Variants in CPNE4 observed in about 807,000 individuals in gnomAD.
CPNE4 encodes copine 4.
In CPNE4, 25 loss-of-function variants were observed where a neutral mutation model predicts 67.9. That is an observed-to-expected ratio of 0.37 (90% CI 0.27 to 0.51). The LOEUF is 0.51. CPNE4 is among the 20% of genes least tolerant of loss of function. The pLI, the probability that CPNE4 is intolerant of heterozygous loss-of-function variation, is 0.93. For missense variants in CPNE4, 464 were observed against 690.8 expected (o/e 0.67, Z 3.68); for synonymous variants, 242 against 244.9 (o/e 0.99, Z 0.11).
intron 14 of CPNE4, among the ~76,000 whole-genome samples, chr3:131,543,808 G>A (rs1313466431): frequency 6.6e-6 from 1 of 152,140 alleles, no homozygotes; most frequent in South Asian, 2.1e-4. Context: ...CCCTCTGAAG[G>A]CCATGTGCCA....
chr3:131,732,584 C>T (rs1216051643), intron 2 of CPNE4, among the ~76,000 whole-genome samples: 28 of 152,190 alleles, frequency 1.8e-4, no homozygotes, highest in Admixed American at 1.8e-3. Flanking sequence ...CCCTGGGTTC[C>T]AGTAACACTG....
intron 1 of CPNE4, among the ~76,000 whole-genome samples, chr3:131,952,471 TG>T (rs1166786933): frequency 1.3e-4 from 12 of 90,438 alleles, no homozygotes; most frequent in South Asian, 3.4e-4. Context: ...GGGAGGGAGG[TG>T]GGGGGGTCAG....
intron 1 of CPNE4, among the ~76,000 whole-genome samples, chr3:132,009,854 A>G (rs2073706447): frequency 6.6e-6 from 1 of 152,228 alleles, no homozygotes; most frequent in Non-Finnish European, 1.5e-5. Flanking sequence ...GGAAGCTGCT[A>G]TTAGGACCAA....
intron 1 of CPNE4, among the ~76,000 whole-genome samples, chr3:131,911,407 C>T (rs2088970072): frequency 6.6e-6 from 1 of 152,106 alleles, no homozygotes; most frequent in Non-Finnish European, 1.5e-5. Context: ...TTCCAAATAA[C>T]CTGCAACAGT....
chr3:132,002,355 C>A (rs2073477744), intron 1 of CPNE4, among the ~76,000 whole-genome samples: 1 of 152,100 alleles, frequency 6.6e-6, no homozygotes, highest in African/African-American at 2.4e-5. Flanking sequence ...GCTGACTTGT[C>A]ACTTTTATGA....
intron 1 of CPNE4, among the ~76,000 whole-genome samples, chr3:131,916,516 C>A (rs1346500814): frequency 6.6e-6 from 1 of 152,136 alleles, no homozygotes; most frequent in African/African-American, 2.4e-5. Flanking sequence ...GCTTCATGTA[C>A]TTTTTTAATT....
At position 131,537,232 on chromosome 3, in the gene CPNE4, T is replaced by G. The variant is rs146522140; in HGVS notation, c.1540-1903A>C. Among the ~76,000 whole-genome samples, 649 of 151,852 alleles carry G rather than the reference T, an allele frequency of 4.3e-3. 3 individuals carry two copies. Among genetic ancestry groups the G allele is most frequent in the African/African-American group, 0.014 (599 of 41,438 alleles). On this transcript the variant is annotated intron_variant, in intron 15 of 15. Transcript: ENST00000429747. ...TATTTCGGAACTCTGTAAAAGTGTG[T>G]GGAGGTCATGGTGCTAGTGTTCTGG...
At chr3:131,995,480 C>T (rs1000688024) in intron 1 of CPNE4, among the ~76,000 whole-genome samples, 1 of 152,068 alleles carries the variant, frequency 6.6e-6, no homozygotes, top group African/African-American at 2.4e-5. Flanking sequence ...ACATTGCATC[C>T]GACCATGAGA....
intron 2 of CPNE4, among the ~76,000 whole-genome samples, chr3:131,821,976 C>T (rs1275687301): frequency 2.6e-5 from 4 of 152,126 alleles, no homozygotes; most frequent in Admixed American, 6.5e-5. Flanking sequence ...ATGTTAAATA[C>T]CACTTCCAGG....
intron 3 of CPNE4, among the ~76,000 whole-genome samples, chr3:131,714,559 A>G (rs1329858073): frequency 6.6e-6 from 1 of 152,154 alleles, no homozygotes; most frequent in African/African-American, 2.4e-5. Flanking sequence ...TCCTTTCTTG[A>G]TTGAAACTAG....
At chr3:131,964,580 C>T (rs750978012) in intron 1 of CPNE4, among the ~76,000 whole-genome samples, 2 of 151,326 alleles carry the variant, frequency 1.3e-5, no homozygotes, top group Non-Finnish European at 2.9e-5. Flanking sequence ...GAAGCATACA[C>T]GAGCATCAAT....
chr3:131,716,778 A>G (rs1486358973), intron 3 of CPNE4, among the ~76,000 whole-genome samples: 1 of 152,098 alleles, frequency 6.6e-6, no homozygotes, highest in African/African-American at 2.4e-5. Context: ...TATTATTTCC[A>G]TTTTTCAAAT....
intron 2 of CPNE4, among the ~76,000 whole-genome samples, chr3:131,740,561 G>A (rs968597962): frequency 5.9e-5 from 9 of 152,158 alleles, no homozygotes; most frequent in African/African-American, 1.7e-4. Context: ...AATAGATACC[G>A]GATCTCACGG....
intron 2 of CPNE4, among the ~76,000 whole-genome samples, chr3:131,805,643 G>C (rs547108696): frequency 6.6e-6 from 1 of 152,280 alleles, no homozygotes; most frequent in Non-Finnish European, 1.5e-5. Flanking sequence ...CCGGCTGTCA[G>C]CCAGAACACC....
chr3:131,586,582 C>A (rs1186990206), intron 8 of CPNE4, among the ~76,000 whole-genome samples: 1 of 152,158 alleles, frequency 6.6e-6, no homozygotes, highest in African/African-American at 2.4e-5. Context: ...TTCTATCTTG[C>A]TTTTGGGCAT....
intron 7 of CPNE4, among the ~76,000 whole-genome samples, chr3:131,598,922 A>T (rs1469918316): frequency 6.6e-6 from 1 of 150,938 alleles, no homozygotes; most frequent in African/African-American, 2.4e-5. Flanking sequence ...TCACAAAATG[A>T]ATTTTAAATG....
chr3:131,817,450 G>A (rs1295886026), intron 2 of CPNE4, among the ~76,000 whole-genome samples: 1 of 152,144 alleles, frequency 6.6e-6, no homozygotes, highest in Non-Finnish European at 1.5e-5. Context: ...GTAAATGAGG[G>A]GTGAATAGTA....
intron 2 of CPNE4, among the ~76,000 whole-genome samples, chr3:131,838,713 C>T (rs1340902588): frequency 1.3e-5 from 2 of 151,424 alleles, no homozygotes; most frequent in African/African-American, 4.8e-5. Context: ...TATAAAAGTA[C>T]TTGTTTTTAT....
intron 1 of CPNE4, among the ~76,000 whole-genome samples, chr3:131,927,130 A>T (rs954913239): frequency 2.6e-5 from 4 of 152,136 alleles, no homozygotes; most frequent in African/African-American, 9.7e-5. Context: ...ACAACCTTGC[A>T]AATAGTCATC....
Sources: gnomAD v4.1 joint callset for allele counts (sites outside exome capture counted in the v4.1 genomes callset) on GRCh38, gnomAD v4.1.1 for gene constraint, MANE v1.5 for transcripts, NCBI Gene and HGNC (gene_info 2026-07-23, HGNC 2026-07-21) for gene names.